NVL: variants seen among roughly 807,000 people sequenced by gnomAD.
NVL encodes the protein nuclear valosin-containing protein-like.
In NVL, 84 loss-of-function variants were observed where a neutral mutation model predicts 110.2. The ratio of observed to expected loss-of-function variants is 0.76; its 90% CI spans 0.64 to 0.91. The LOEUF (loss-of-function observed/expected upper bound fraction) is 0.91. Among genes scored for constraint, NVL ranks in the 40% least tolerant of loss-of-function variants. The pLI is 0.00. For synonymous variants in NVL, 354 were observed against 361.1 expected, an observed-to-expected ratio of 0.98 and a Z score of 0.22; for missense variants, 882 against 1,035.9, an observed-to-expected ratio of 0.85 and a Z score of 2.04.
At position 224,300,481 on chromosome 1, in the gene NVL, A is replaced by T; in HGVS notation, c.1062+81T>A. The stretch of plus-strand genomic sequence containing the variant: ...GAATGGCCAGTGAGTGGGTTAACAA[A>T]TACTAGCATCAGAAAAAGCAGGATC... On this transcript the variant is annotated intron_variant, in intron 10 of 22. Coordinates refer to ENST00000281701, the MANE Select transcript of NVL (RefSeq NM_002533.4). 3 of 968,028 alleles carry T rather than the reference A, an allele frequency of 3.1e-6. No homozygotes were observed. The South Asian group carries it at 5.0e-5, about 16-fold the overall frequency. The allele number at this position is 968,028 out of a possible 1,614,324, so 60.0% of individuals were successfully genotyped here. A position where few individuals can be genotyped will look rare whatever the true frequency, so the allele number is the denominator to read the frequency against.
rs1659990482 is a variant in NVL at position 224,232,355 on chromosome 1, A to T, written c.2455+846T>A. 2.0e-5 allele frequency among the ~76,000 whole-genome samples: 3 copies of T among 151,992 alleles called. No homozygotes were observed. In the South Asian group the frequency reaches 6.2e-4, roughly 32 times the overall value. On this transcript the variant is annotated intron_variant, in intron 21 of 22. Coordinates refer to ENST00000281701, the MANE Select transcript of NVL (RefSeq NM_002533.4). ...GTGAGAGCGAGACTCTGTCTCAAAA[A>T]AAATAAATAAATAAAAATAAAAATA... is the stretch of plus-strand genomic sequence containing the variant.
intron 19 of NVL, among the ~76,000 whole-genome samples, chr1:224,238,239 C>T (rs777690765): frequency 6.6e-6 from 1 of 151,958 alleles, no homozygotes; most frequent in African/African-American, 2.4e-5. Context: ...CACGATGTTG[C>T]CCAGGCTGAT....
At chr1:224,293,547 G>A (rs2102650356) in intron 12 of NVL, among the ~76,000 whole-genome samples, 2 of 152,302 alleles carry the variant, frequency 1.3e-5, no homozygotes, top group Middle Eastern at 6.8e-3. Context: ...CAACTGTCTG[G>A]CTGCCATTTC....
chr1:224,239,046 G>C (rs762752319), intron 19 of NVL, among the ~76,000 whole-genome samples: 1 of 152,146 alleles, frequency 6.6e-6, no homozygotes, highest in Non-Finnish European at 1.5e-5. Context: ...CTATGAATTA[G>C]ACTTGGAGTG....
intron 2 of NVL, among the ~76,000 whole-genome samples, chr1:224,323,213 T>C (rs1670828151): frequency 6.6e-6 from 1 of 152,168 alleles, no homozygotes; most frequent in Admixed American, 6.5e-5. Context: ...AAGTGATGAA[T>C]CTAGATATTT....
chr1:224,322,087 T>C (rs994682946), intron 2 of NVL, among the ~76,000 whole-genome samples: 3 of 152,094 alleles, frequency 2.0e-5, no homozygotes, highest in Admixed American at 6.6e-5. Flanking sequence ...AGTCTTTATT[T>C]TTATTTTTTA....
intron 15 of NVL, 34 bp downstream of exon 15, chr1:224,285,991 GA>G (rs755467971): frequency 2.7e-5 from 40 of 1,473,304 alleles, no homozygotes; most frequent in Non-Finnish European, 3.4e-5. Context: ...CTGATACTAA[GA>G]AATAAATTAC....
At chr1:224,231,584 T>C (rs1230937869) in intron 21 of NVL, among the ~76,000 whole-genome samples, 3 of 152,166 alleles carry the variant, frequency 2.0e-5, no homozygotes, top group Admixed American at 1.3e-4. Flanking sequence ...AGAGCCAGAA[T>C]TATTCAGATA....
chr1:224,323,336 A>C (rs1342616816), intron 2 of NVL, among the ~76,000 whole-genome samples: 1 of 152,214 alleles, frequency 6.6e-6, no homozygotes, highest in East Asian at 1.9e-4. Flanking sequence ...ACAAAAAGGA[A>C]ACTAGAACCT....
At chr1:224,330,008 G>T in intron 1 of NVL, 63 bp downstream of exon 1, 3 of 1,507,084 alleles carry the variant, frequency 2.0e-6, no homozygotes, top group South Asian at 2.3e-5. Flanking sequence ...CGACAAAAGG[G>T]GAGTGGCACC....
chr1:224,268,955 G>C (rs896753692), intron 17 of NVL, among the ~76,000 whole-genome samples: 1 of 152,102 alleles, frequency 6.6e-6, no homozygotes, highest in African/African-American at 2.4e-5. Context: ...CACTGCGCCC[G>C]GCCCTAGACT....
At chr1:224,294,046 T>C (rs548484761) in intron 12 of NVL, among the ~76,000 whole-genome samples, 2 of 152,278 alleles carry the variant, frequency 1.3e-5, no homozygotes, top group African/African-American at 2.4e-5. Context: ...GTGATCCTCC[T>C]GCCTCGGCCT....
At chr1:224,274,305 A>C (rs1443977004) in intron 17 of NVL, among the ~76,000 whole-genome samples, 1 of 151,658 alleles carries the variant, frequency 6.6e-6, no homozygotes, top group Non-Finnish European at 1.5e-5. Flanking sequence ...ACAACAACAA[A>C]AAGAAATGTA....
chr1:224,315,057 CTTTT>C (rs71168402), intron 4 of NVL, among the ~76,000 whole-genome samples: 4 of 143,352 alleles, frequency 2.8e-5, no homozygotes, highest in Non-Finnish European at 4.6e-5. Flanking sequence ...AACTCTGTTT[CTTTT>C]TTTTTTTTTT....
intron 18 of NVL, among the ~76,000 whole-genome samples, chr1:224,264,490 C>G (rs1349771981): frequency 6.6e-6 from 1 of 152,056 alleles, no homozygotes; most frequent in Non-Finnish European, 1.5e-5. Flanking sequence ...TCAAGTGATC[C>G]TTGGCTTCCC....
chr1:224,270,463 CAGA>C (rs1664972511), intron 17 of NVL, among the ~76,000 whole-genome samples: 2 of 152,116 alleles, frequency 1.3e-5, no homozygotes, highest in African/African-American at 4.8e-5. Context: ...GAAGCTGAGG[CAGA>C]AGAATTGCTT....
intron 18 of NVL, among the ~76,000 whole-genome samples, chr1:224,266,823 G>A (rs769659744): frequency 2.0e-5 from 3 of 152,130 alleles, no homozygotes; most frequent in South Asian, 2.1e-4. Context: ...AAATAGCTAC[G>A]TGCTGTTTAA....
At chr1:224,298,929 C>A (rs1169080049) in intron 10 of NVL, among the ~76,000 whole-genome samples, 1 of 151,854 alleles carries the variant, frequency 6.6e-6, no homozygotes, top group African/African-American at 2.4e-5. Context: ...ATGGTAAATT[C>A]TGTTATATAT....
chr1:224,229,458 G>A (rs948943618), intron 22 of NVL, among the ~76,000 whole-genome samples: 16 of 151,324 alleles, frequency 1.1e-4, no homozygotes, highest in African/African-American at 1.9e-4. Flanking sequence ...TTTTTGAGAC[G>A]GAGTCTCAAT....
Sources: gnomAD v4.1 joint callset for allele counts (sites outside exome capture counted in the v4.1 genomes callset) on GRCh38, gnomAD v4.1.1 for gene constraint, MANE v1.5 for transcripts, NCBI Gene and HGNC (gene_info 2026-07-23, HGNC 2026-07-21) for gene names.